Variants in PDS5B observed in about 807,000 individuals in gnomAD.
PDS5B encodes the protein sister chromatid cohesion protein PDS5 homolog B.
PDS5B carries 51 observed loss-of-function variants against 184.1 expected under a neutral mutation model. That is an observed-to-expected ratio of 0.28 (90% CI 0.22 to 0.35). The LOEUF is 0.35. Among genes scored for constraint, PDS5B ranks in the 10% least tolerant of loss-of-function variants. The pLI, the probability that PDS5B is intolerant of heterozygous loss-of-function variation, is 1.00. For synonymous variants in PDS5B, 566 were observed against 569.2 expected (o/e 0.99, Z 0.08); for missense variants, 1,180 against 1,723.3 (o/e 0.68, Z 5.58).
chr13:32,659,292 TGTATACTG>T lies in PDS5B; in HGVS notation c.624+13_624+20del, dbSNP rs748003637. The T allele has an allele frequency of 6.4e-7, 1 of 1,566,738 alleles. No homozygotes were observed. Among genetic ancestry groups the T allele is most frequent in the Non-Finnish European group, 8.7e-7 (1 of 1,148,890 alleles). On this transcript the variant is annotated intron_variant, in intron 6 of 34. Coordinates refer to ENST00000315596, the MANE Select transcript of PDS5B (RefSeq NM_015032.4). Reference sequence around the variant, plus strand: ...TACCTGCTCATAAGGTGAGTAGCAATGTATACTGTAATGTGTCTAATGCCCGTTAATAT... The same window carrying T: ...TACCTGCTCATAAGGTGAGTAGCAATTAATGTGTCTAATGCCCGTTAATAT...
intron 18 of PDS5B, among the ~76,000 whole-genome samples, 175 bp from the exon 19 acceptor site, chr13:32,709,771 T>G (rs1323701145): frequency 6.6e-6 from 1 of 152,172 alleles, no homozygotes; most frequent in African/African-American, 2.4e-5. Flanking sequence ...CAGAGGAACA[T>G]TTCTGTTACA....
intron 1 of PDS5B, among the ~76,000 whole-genome samples, chr13:32,603,311 A>G (rs1188248872): frequency 6.6e-6 from 1 of 152,202 alleles, no homozygotes; most frequent in Non-Finnish European, 1.5e-5. Context: ...CTTTCTACAT[A>G]TGGGCTAGTC....
At chr13:32,599,230 T>C (rs2057933728) in intron 1 of PDS5B, among the ~76,000 whole-genome samples, 1 of 152,166 alleles carries the variant, frequency 6.6e-6, no homozygotes, top group African/African-American at 2.4e-5. Context: ...TGAATTGTTT[T>C]TGTATTCTGT....
intron 23 of PDS5B, among the ~76,000 whole-genome samples, chr13:32,744,493 T>A (rs1188100835): frequency 1.3e-5 from 2 of 152,142 alleles, no homozygotes; most frequent in African/African-American, 4.8e-5. Context: ...CCTTAAACTT[T>A]TATGTAAGAT....
At chr13:32,637,851 G>A (rs1566270650) in intron 1 of PDS5B, among the ~76,000 whole-genome samples, 1 of 152,168 alleles carries the variant, frequency 6.6e-6, no homozygotes, top group Non-Finnish European at 1.5e-5. Flanking sequence ...GCAACATAGA[G>A]GTCAACTGAT....
chr13:32,632,202 CT>C (rs142300056), intron 1 of PDS5B, among the ~76,000 whole-genome samples: 308 of 152,170 alleles, frequency 2.0e-3, no homozygotes, highest in African/African-American at 7.2e-3. Context: ...AAATTAAAAA[CT>C]TTTCTGCATC....
intron 1 of PDS5B, among the ~76,000 whole-genome samples, chr13:32,630,803 T>G (rs1283298306): frequency 1.3e-5 from 2 of 151,874 alleles, no homozygotes; most frequent in Non-Finnish European, 2.9e-5. Flanking sequence ...TTTTTTTTTT[T>G]TCAGACGGAG....
At chr13:32,672,532 C>T (rs184729385) in intron 7 of PDS5B, among the ~76,000 whole-genome samples, 1 of 152,302 alleles carries the variant, frequency 6.6e-6, no homozygotes, top group Non-Finnish European at 1.5e-5. Flanking sequence ...AGTAGGCTGT[C>T]TGCAAGCTGG....
At chr13:32,770,595 G>T in intron 32 of PDS5B, 35 bp downstream of exon 32, 1 of 1,600,144 alleles carries the variant, frequency 6.2e-7, no homozygotes, top group South Asian at 1.1e-5. Flanking sequence ...CATCTGTTTC[G>T]TTACTATATT....
At chr13:32,679,055 C>A in intron 10 of PDS5B, 126 bp downstream of exon 10, 4 of 499,424 alleles carry the variant, frequency 8.0e-6, no homozygotes, top group South Asian at 3.4e-5. Flanking sequence ...AGTTTAAGGT[C>A]ATGGAAGTTG....
chr13:32,695,023 G>C (rs890985451), intron 14 of PDS5B, among the ~76,000 whole-genome samples: 5 of 151,788 alleles, frequency 3.3e-5, no homozygotes, highest in African/African-American at 1.2e-4. Context: ...TCATAGGACA[G>C]AGGTCAATGG....
At chr13:32,768,010 T>C (rs1954639023) in intron 31 of PDS5B, among the ~76,000 whole-genome samples, 1 of 152,220 alleles carries the variant, frequency 6.6e-6, no homozygotes, top group Admixed American at 6.5e-5. Context: ...GATTCTGAAA[T>C]GGTTGGATGT....
chr13:32,667,404 GA>G (rs1566304485), intron 6 of PDS5B, among the ~76,000 whole-genome samples: 1 of 152,024 alleles, frequency 6.6e-6, no homozygotes, highest in African/African-American at 2.4e-5. Context: ...ATTCTCTTAG[GA>G]TATTTTGTGT....
intron 18 of PDS5B, 50 bp downstream of exon 18, chr13:32,707,089 A>G (rs1357892438): frequency 2.2e-6 from 2 of 925,792 alleles, no homozygotes; most frequent in Non-Finnish European, 3.3e-6. Flanking sequence ...TGTTTAACAT[A>G]TACAGTTTAT....
intron 17 of PDS5B, among the ~76,000 whole-genome samples, chr13:32,701,805 A>C (rs554457656): frequency 1.3e-5 from 2 of 152,208 alleles, no homozygotes; most frequent in South Asian, 2.1e-4. Flanking sequence ...AATATAAATA[A>C]ATTTTATTTA....
chr13:32,721,424 G>A (rs550544539), intron 19 of PDS5B, among the ~76,000 whole-genome samples: 86 of 150,350 alleles, frequency 5.7e-4, no homozygotes, highest in Non-Finnish European at 5.2e-4. Flanking sequence ...GCTGCCGGGC[G>A]GAGGGGCTCC....
chr13:32,595,823 C>T (rs1339695270), intron 1 of PDS5B, among the ~76,000 whole-genome samples: 1 of 152,160 alleles, frequency 6.6e-6, no homozygotes, highest in Non-Finnish European at 1.5e-5. Context: ...AAAATGCTGG[C>T]AGCCACACAC....
At chr13:32,693,944 A>T (rs1461360537) in intron 13 of PDS5B, among the ~76,000 whole-genome samples, 3 of 151,672 alleles carry the variant, frequency 2.0e-5, no homozygotes, top group Non-Finnish European at 3.0e-5. Flanking sequence ...TCCTGCTACA[A>T]CACCTTACGC....
intron 7 of PDS5B, among the ~76,000 whole-genome samples, chr13:32,668,697 C>T (rs1950861273): frequency 6.6e-6 from 1 of 152,270 alleles, no homozygotes; most frequent in Admixed American, 6.5e-5. Context: ...TATAAATTTG[C>T]ATTCCTGAGT....
Sources: gnomAD v4.1 joint callset for allele counts (sites outside exome capture counted in the v4.1 genomes callset) on GRCh38, gnomAD v4.1.1 for gene constraint, MANE v1.5 for transcripts, NCBI Gene and HGNC (gene_info 2026-07-23, HGNC 2026-07-21) for gene names.